TRIM61: variants seen among roughly 807,000 people sequenced by gnomAD.
TRIM61 encodes the protein tripartite motif containing 61, also known as putative tripartite motif-containing protein 61.
In TRIM61, 1 loss-of-function variant was observed where a neutral mutation model predicts 14.2. The observed-to-expected ratio is 0.07, with a 90% CI of 0.03 to 0.33. The LOEUF (loss-of-function observed/expected upper bound fraction) is 0.33. TRIM61 is among the 10% of genes least tolerant of loss of function. The probability of loss-of-function intolerance (pLI) is 0.99; values close to 1 mark genes in which losing one functional copy is unlikely to be tolerated. For missense variants in TRIM61, 19 were observed against 202.2 expected (o/e 0.09, Z 5.49); for synonymous variants, 8 against 71.6 (o/e 0.11, Z 4.49).
At chr4:164,972,750 A>G (rs1732397789) in intron 2 of TRIM61, among the ~76,000 whole-genome samples, 1 of 152,138 alleles carries the variant, frequency 6.6e-6, no homozygotes. Context: ...TGGCCTCCCA[A>G]AGTGCTGGGA....
At chr4:164,958,898 T>G (rs964434621) in intron 3 of TRIM61, 2 of 167,126 alleles carry the variant, frequency 1.2e-5, no homozygotes, top group Non-Finnish European at 2.9e-5. Context: ...TGTTAGACAT[T>G]TTAAATTAAC....
intron 3 of TRIM61, chr4:164,968,903 C>T: frequency 1.0e-6 from 1 of 990,760 alleles, no homozygotes; most frequent in Non-Finnish European, 1.2e-6. Flanking sequence ...ACAGTCATTA[C>T]AGACACCAAG....
rs555513411 is a variant in TRIM61 at position 164,975,748 on chromosome 4, C to A, written c.-338+940G>T. ...CCAAGGTTTCTCCCCATGTGATAGT[C>A]TGAAATATGGCCTCGTGGGATGAGA... On this transcript the variant is annotated intron_variant, in intron 2 of 4. Coordinates refer to ENST00000329314, the MANE Select transcript of TRIM61 (RefSeq NM_001012414.3). Among the ~76,000 whole-genome samples the A allele has an allele frequency of 4.6e-5, 7 of 151,714 alleles. No homozygotes were observed. The Admixed American group carries it at 4.6e-4, about 10-fold the overall frequency.
At chr4:164,961,677 C>A (rs954734847) in intron 3 of TRIM61, among the ~76,000 whole-genome samples, 3 of 150,558 alleles carry the variant, frequency 2.0e-5, no homozygotes, top group South Asian at 2.1e-4. Flanking sequence ...TATCAAAAAA[C>A]ACACACCAAA....
At chr4:164,963,176 G>A (rs1405674562) in intron 3 of TRIM61, among the ~76,000 whole-genome samples, 2 of 152,078 alleles carry the variant, frequency 1.3e-5, no homozygotes, top group Non-Finnish European at 2.9e-5. Flanking sequence ...TGGGGCTGCC[G>A]TGGGCTGTGA....
chr4:164,960,968 A>G (rs951380362), intron 3 of TRIM61, among the ~76,000 whole-genome samples: 14 of 152,130 alleles, frequency 9.2e-5, no homozygotes, highest in African/African-American at 3.4e-4. Context: ...ATGTATACAT[A>G]TATACATATA....
intron 3 of TRIM61, among the ~76,000 whole-genome samples, chr4:164,965,815 G>A (rs910408928): frequency 3.5e-5 from 5 of 143,358 alleles, no homozygotes; most frequent in African/African-American, 1.2e-4. Flanking sequence ...AGAGTGAATT[G>A]TTTTAAAACT....
At chr4:164,972,235 T>C (rs1732383722) in intron 2 of TRIM61, among the ~76,000 whole-genome samples, 1 of 152,232 alleles carries the variant, frequency 6.6e-6, no homozygotes, top group African/African-American at 2.4e-5. Context: ...AAAATCGATG[T>C]GTCTTTTTTT....
chr4:164,969,027 C>T (rs1732301635), intron 3 of TRIM61: 2 of 1,045,498 alleles, frequency 1.9e-6, no homozygotes, highest in Admixed American at 1.0e-4. Flanking sequence ...TTATGAGGTA[C>T]ATTTTGTGTT....
At chr4:164,975,630 A>G (rs1469707886) in intron 2 of TRIM61, among the ~76,000 whole-genome samples, 1 of 152,212 alleles carries the variant, frequency 6.6e-6, no homozygotes, top group Non-Finnish European at 1.5e-5. Flanking sequence ...ATGCTTGGTA[A>G]AAGTCATCGC....
chr4:164,971,456 T>C (rs1274687393), intron 2 of TRIM61, among the ~76,000 whole-genome samples: 1 of 151,988 alleles, frequency 6.6e-6, no homozygotes, highest in Non-Finnish European at 1.5e-5. Flanking sequence ...CTGGGTGTGG[T>C]GGCACATGCC....
chr4:164,957,149 C>G (rs776528120), intron 3 of TRIM61: 4 of 1,609,074 alleles, frequency 2.5e-6, no homozygotes, highest in Middle Eastern at 1.6e-4. Context: ...TTCGGGTCTC[C>G]CTAACAGACC....
intron 2 of TRIM61, among the ~76,000 whole-genome samples, chr4:164,970,900 G>A (rs1410802134): frequency 1.3e-5 from 2 of 152,138 alleles, no homozygotes; most frequent in Non-Finnish European, 2.9e-5. Flanking sequence ...GGGAGTTCAA[G>A]ACCAGCCTGG....
chr4:164,961,722 C>T (rs533133851), intron 3 of TRIM61, among the ~76,000 whole-genome samples: 1 of 152,018 alleles, frequency 6.6e-6, no homozygotes, highest in Admixed American at 6.6e-5. Context: ...TAGCAAATCC[C>T]CAAATATAGG....
intron 3 of TRIM61, among the ~76,000 whole-genome samples, chr4:164,964,357 AAAAAG>A (rs1560884774): frequency 2.6e-5 from 4 of 151,824 alleles, no homozygotes; most frequent in Admixed American, 6.5e-5. Context: ...CAAAAAAAAA[AAAAAG>A]AAAAGAAACT....
chr4:164,957,021 G>A, intron 3 of TRIM61: 1 of 1,504,710 alleles, frequency 6.6e-7, no homozygotes, highest in Non-Finnish European at 8.9e-7. Flanking sequence ...GTACCACAGT[G>A]GATGGAAGGA....
chr4:164,956,875 G>C (rs1356264009), intron 3 of TRIM61: 3 of 778,842 alleles, frequency 3.9e-6, no homozygotes, highest in African/African-American at 3.5e-5. Flanking sequence ...GTTTCTCCCA[G>C]GAGGCTGGGC....
chr4:164,962,389 TTGTGTGTGTGTGTGTGTGTG>T (rs147058101), intron 3 of TRIM61, among the ~76,000 whole-genome samples: 14 of 146,406 alleles, frequency 9.6e-5, no homozygotes. Context: ...CCTGGCTAAT[TTGTGTGTGTGTGTGTGTGTG>T]TGTGTGTGTA....
intron 1 of TRIM61, among the ~76,000 whole-genome samples, chr4:164,977,030 A>G (rs1202174328): frequency 6.6e-6 from 1 of 152,196 alleles, no homozygotes; most frequent in East Asian, 1.9e-4. Context: ...AACCTGTGGT[A>G]GATTCCAAGC....
Sources: gnomAD v4.1 joint callset for allele counts (sites outside exome capture counted in the v4.1 genomes callset) on GRCh38, gnomAD v4.1.1 for gene constraint, MANE v1.5 for transcripts, NCBI Gene and HGNC (gene_info 2026-07-23, HGNC 2026-07-21) for gene names.